The following HMGN5 variants were observed in gnomAD, a reference collection of about 807,000 sequenced individuals.
HMGN5 encodes the protein high mobility group nucleosome binding domain 5.
A neutral mutation model predicts 9.5 loss-of-function variants in HMGN5; 4 were observed. The observed-to-expected ratio is 0.42, with a 90% CI of 0.21 to 0.96. HMGN5 has a LOEUF of 0.96. HMGN5 is among the 40% of genes least tolerant of loss of function. HMGN5 has a pLI of 0.30. For missense variants in HMGN5, 192 were observed against 187.5 expected (o/e 1.02, Z -0.14); for synonymous variants, 55 against 57.1 (o/e 0.96, Z 0.16).
chrX:81,145,402 G>C (rs751100556), intron 1 of HMGN5, among the ~76,000 whole-genome samples: 1 of 111,723 alleles, frequency 9.0e-6, no homozygotes, highest in African/African-American at 3.3e-5. Context: ...TCCAGCCACA[G>C]TAAGCTTCAT....
At chrX:81,149,335 G>T (rs1164630956) in intron 1 of HMGN5, among the ~76,000 whole-genome samples, 2 of 111,366 alleles carry the variant, frequency 1.8e-5, no homozygotes, top group Non-Finnish European at 3.8e-5. Context: ...GCAGGGACAT[G>T]GATGAAGCTG....
intron 1 of HMGN5, among the ~76,000 whole-genome samples, chrX:81,140,589 G>C (rs1449559381): frequency 1.0e-5 from 1 of 97,416 alleles, no homozygotes; most frequent in Non-Finnish European, 2.1e-5. Context: ...AAAAAAGACA[G>C]ACTCAGTCTG....
At chrX:81,186,806 T>A (rs1017029243) in intron 1 of HMGN5, among the ~76,000 whole-genome samples, 2 of 111,602 alleles carry the variant, frequency 1.8e-5, no homozygotes, top group Non-Finnish European at 3.8e-5. Flanking sequence ...AGGTTGCTTA[T>A]TTGAAGTATT....
chrX:81,149,711 A>C (rs2075355596), intron 1 of HMGN5, among the ~76,000 whole-genome samples: 1 of 112,048 alleles, frequency 8.9e-6, no homozygotes, highest in Non-Finnish European at 1.9e-5. Flanking sequence ...AAGGGATGGA[A>C]ATATATATTC....
intron 1 of HMGN5, among the ~76,000 whole-genome samples, chrX:81,157,215 A>C (rs1488562649): frequency 5.4e-5 from 6 of 112,037 alleles, no homozygotes; most frequent in Non-Finnish European, 1.1e-4. Context: ...AGGAGGGCTT[A>C]GCTGATTTTA....
In HMGN5 at chrX:81,172,033, G is replaced by A. The variant is rs148712717; in HGVS notation, c.-124+29704C>T. ...GAATCGTGTCTTGATAAAATTAAAT[G>A]TGCTTGAACAAAGGTAAATATTATT... is the stretch of plus-strand genomic sequence containing the variant. On this transcript the variant is annotated intron_variant, in intron 1 of 6. Transcript: ENST00000358130. Among the ~76,000 whole-genome samples the A allele has an allele frequency of 8.0e-3, 884 of 110,796 alleles. 13 individuals carry two copies. The highest frequency in any genetic ancestry group is 0.026 in the African/African-American group (810 of 30,617).
At chrX:81,115,773 C>A (rs930743835) in intron 6 of HMGN5, among the ~76,000 whole-genome samples, 1 of 111,600 alleles carries the variant, frequency 9.0e-6, no homozygotes, top group Admixed American at 9.5e-5. Context: ...ATTACAATAC[C>A]TAAAAATGTT....
chrX:81,121,575 TAGTC>T lies in HMGN5; in HGVS notation c.-30_-27del, dbSNP rs765910410. On this transcript the variant is annotated 5_prime_UTR_variant, in exon 2 of 7. Transcript: ENST00000358130. ...TGTTGTAGCTCTCTATAGGAGATCT[TAGTC>T]AGCAGAAAAAAAGCCGAAGGCAGTC... 1.1e-4 allele frequency: 126 copies of T among 1,155,960 alleles called. No homozygotes were observed. Among genetic ancestry groups the T allele is most frequent in the East Asian group, 4.0e-4 (13 of 32,453 alleles).
chrX:81,119,909 A>C, intron 2 of HMGN5, 92 bp from the exon 3 acceptor site: 1 of 805,043 alleles, frequency 1.2e-6, no homozygotes, highest in South Asian at 2.3e-5. Context: ...ATTTCAATAT[A>C]ATTGCTTATT....
chrX:81,144,641 G>T (rs918387309), intron 1 of HMGN5, among the ~76,000 whole-genome samples: 6 of 111,608 alleles, frequency 5.4e-5, no homozygotes, highest in Admixed American at 1.9e-4. Flanking sequence ...ACTGGATGGA[G>T]AATGAGTTTG....
chrX:81,195,457 A>G (rs1238685311), intron 1 of HMGN5, among the ~76,000 whole-genome samples: 2 of 110,924 alleles, frequency 1.8e-5, no homozygotes, highest in African/African-American at 6.6e-5. Context: ...TCATATGTTA[A>G]TCTCCTTTGG....
intron 1 of HMGN5, among the ~76,000 whole-genome samples, chrX:81,147,937 A>G (rs1035118355): frequency 3.6e-5 from 4 of 111,780 alleles, no homozygotes; most frequent in Non-Finnish European, 5.6e-5. Context: ...GATGTGAAGG[A>G]CCTGTTCAAA....
At chrX:81,148,793 A>C (rs1341701123) in intron 1 of HMGN5, among the ~76,000 whole-genome samples, 1 of 111,965 alleles carries the variant, frequency 8.9e-6, no homozygotes, top group Non-Finnish European at 1.9e-5. Flanking sequence ...AAGAAAAAAA[A>C]ACAATCCCAT....
intron 1 of HMGN5, among the ~76,000 whole-genome samples, chrX:81,186,856 T>C (rs1270647408): frequency 1.8e-5 from 2 of 111,308 alleles, no homozygotes; most frequent in Admixed American, 1.9e-4. Context: ...TCCATCTTAG[T>C]AGTGCTTTTG....
At chrX:81,136,356 C>CA (rs751737052) in intron 1 of HMGN5, among the ~76,000 whole-genome samples, 2 of 110,963 alleles carry the variant, frequency 1.8e-5, no homozygotes, top group Admixed American at 9.6e-5. Context: ...ATGATTGAAA[C>CA]AAAAAATAGC....
intron 1 of HMGN5, among the ~76,000 whole-genome samples, chrX:81,187,542 T>C (rs187052528): frequency 0.011 from 1,265 of 111,810 alleles, 18 homozygotes; most frequent in African/African-American, 0.039. Flanking sequence ...TTTGTTTCCA[T>C]TGGTATGGAA....
intron 1 of HMGN5, among the ~76,000 whole-genome samples, chrX:81,186,149 CTCT>C (rs1426951158): frequency 9.0e-6 from 1 of 111,701 alleles, no homozygotes; most frequent in Admixed American, 9.5e-5. Flanking sequence ...AAAGTGTCCC[CTCT>C]TCTTCTATGT....
At chrX:81,132,585 A>T (rs2147547314) in intron 1 of HMGN5, among the ~76,000 whole-genome samples, 1 of 111,909 alleles carries the variant, frequency 8.9e-6, no homozygotes, top group South Asian at 3.7e-4. Flanking sequence ...GACAAGAACA[A>T]TCAATAGGGA....
intron 1 of HMGN5, among the ~76,000 whole-genome samples, chrX:81,168,110 C>T (rs1411744988): frequency 8.9e-6 from 1 of 112,085 alleles, no homozygotes; most frequent in Non-Finnish European, 1.9e-5. Context: ...AATTAAAGGG[C>T]TCTAATCACA....
Sources: gnomAD v4.1 joint callset for allele counts (sites outside exome capture counted in the v4.1 genomes callset) on GRCh38, gnomAD v4.1.1 for gene constraint, MANE v1.5 for transcripts, NCBI Gene and HGNC (gene_info 2026-07-23, HGNC 2026-07-21) for gene names.